Variants in IRAK1BP1 observed in about 807,000 individuals in gnomAD.
The protein encoded by IRAK1BP1 is interleukin 1 receptor associated kinase 1 binding protein 1.
Under a neutral mutation model 28.0 loss-of-function variants are expected in IRAK1BP1, and 24 were observed. The observed-to-expected ratio is 0.86, with a 90% CI of 0.62 to 1.20. IRAK1BP1 has a LOEUF of 1.20. Ranked by LOEUF, IRAK1BP1 falls within the 50% of genes most tolerant of loss-of-function variation. The pLI, the probability that IRAK1BP1 is intolerant of heterozygous loss-of-function variation, is 0.00. For missense variants in IRAK1BP1, 336 were observed against 316.7 expected, an observed-to-expected ratio of 1.06 and a Z score of -0.46; for synonymous variants, 131 against 116.3, an observed-to-expected ratio of 1.13 and a Z score of -0.81.
chr6:78,889,900 C>T (rs1377410464), intron 2 of IRAK1BP1, among the ~76,000 whole-genome samples: 1 of 152,108 alleles, frequency 6.6e-6, no homozygotes, highest in Non-Finnish European at 1.5e-5. Context: ...TACCATTTGA[C>T]CCAGCAATCT....
At chr6:78,944,377 T>G (rs1165176834) in intron 4 of IRAK1BP1, among the ~76,000 whole-genome samples, 3 of 152,176 alleles carry the variant, frequency 2.0e-5, no homozygotes, top group African/African-American at 7.2e-5. Flanking sequence ...TCGCTTTGGC[T>G]GCAATATGAG....
intron 4 of IRAK1BP1, chr6:78,937,690 GT>G (rs5877635): frequency 0.33 from 49,725 of 151,446 alleles, 9,728 homozygotes; most frequent in East Asian, 0.69. Context: ...CCAATCTTTA[GT>G]TTATAATACA....
chr6:78,920,125 A>C (rs1400979741), intron 4 of IRAK1BP1, among the ~76,000 whole-genome samples: 1 of 152,098 alleles, frequency 6.6e-6, no homozygotes, highest in Non-Finnish European at 1.5e-5. Context: ...GTGATTGTGC[A>C]TGCCTGTAAT....
intron 4 of IRAK1BP1, among the ~76,000 whole-genome samples, chr6:78,925,898 A>T (rs1021586018): frequency 1.3e-5 from 2 of 152,150 alleles, no homozygotes; most frequent in African/African-American, 4.8e-5. Context: ...AGCAACGTGG[A>T]TGTACCTCAA....
chr6:78,885,296 TTAGTG>T (rs1290361029), intron 1 of IRAK1BP1, 77 bp from the exon 2 acceptor site: 68 of 711,884 alleles, frequency 9.6e-5, no homozygotes, highest in Middle Eastern at 3.0e-4. Flanking sequence ...CTGATTTTAA[TTAGTG>T]TAGGTTTCTA....
the IRAK1BP1 span, among the ~76,000 whole-genome samples, chr6:78,952,713 AT>A: frequency 6.6e-6 from 1 of 152,090 alleles, no homozygotes; most frequent in Non-Finnish European, 1.5e-5. Flanking sequence ...GTAATTATAC[AT>A]TTCATTTCCA....
At chr6:78,871,577 C>G (rs1167038747) in intron 1 of IRAK1BP1, 1 of 973,252 alleles carries the variant, frequency 1.0e-6, no homozygotes, top group East Asian at 1.1e-4. Context: ...TTGTTTCCCC[C>G]CAAAATTTAT....
rs1772121706 is a variant in IRAK1BP1 at position 78,902,044 on chromosome 6, CTTTA to C, written c.*3717_*3720del. On this transcript the variant is annotated 3_prime_UTR_variant, in exon 4 of 4. Transcript: ENST00000369940. ...CTGCATTACAAAATGAAAGCAAATG[CTTTA>C]TTTATTCCAACAAAAAAAGACCTAT... 6.6e-6 allele frequency: 1 copy of C among 152,094 alleles called. No individual in the cohort carries two copies. The highest frequency in any genetic ancestry group is 1.5e-5 in the Non-Finnish European group (1 of 68,006). 9.4% of individuals were successfully genotyped at this position (152,094 alleles called of 1,614,324 possible).
downstream of IRAK1BP1, among the ~76,000 whole-genome samples, chr6:78,904,020 G>C (rs887330583): frequency 6.6e-6 from 1 of 152,166 alleles, no homozygotes; most frequent in African/African-American, 2.4e-5. Context: ...AAAGGCTAAG[G>C]AGGAAAAAAG....
At chr6:78,906,941 T>G (rs992486417), downstream of IRAK1BP1, among the ~76,000 whole-genome samples, 7 of 152,198 alleles carry the variant, frequency 4.6e-5, no homozygotes, top group African/African-American at 1.7e-4. Flanking sequence ...TGGTGGCTAT[T>G]TTTTCAAGGA....
At chr6:78,869,846 C>T (rs1011954610) in intron 1 of IRAK1BP1, among the ~76,000 whole-genome samples, 3 of 151,456 alleles carry the variant, frequency 2.0e-5, no homozygotes, top group African/African-American at 7.3e-5. Context: ...TGGTGGCTCA[C>T]GCCTGTAATC....
intron 2 of IRAK1BP1, among the ~76,000 whole-genome samples, chr6:78,888,372 C>T (rs1226988701): frequency 6.6e-6 from 1 of 152,048 alleles, no homozygotes; most frequent in African/African-American, 2.4e-5. Flanking sequence ...ACAAAGGACA[C>T]AAGGAAAATT....
chr6:78,952,726 G>T, the IRAK1BP1 span, among the ~76,000 whole-genome samples: 37 of 152,020 alleles, frequency 2.4e-4, no homozygotes, highest in South Asian at 7.3e-3. Context: ...TCATTTCCAG[G>T]ATTCTATTTA....
the IRAK1BP1 span, chr6:78,961,669 G>A: frequency 1.9e-6 from 3 of 1,607,636 alleles, no homozygotes; most frequent in Non-Finnish European, 2.6e-6. Flanking sequence ...TTTGATAGTA[G>A]CTACATCAAA....
chr6:78,935,565 T>A (rs1445452315), intron 4 of IRAK1BP1: 2 of 969,330 alleles, frequency 2.1e-6, no homozygotes, highest in Non-Finnish European at 2.5e-6. Context: ...TCACAGTAAC[T>A]TACGGTAAGA....
At chr6:78,887,193 G>C (rs915049539) in intron 2 of IRAK1BP1, among the ~76,000 whole-genome samples, 1 of 152,084 alleles carries the variant, frequency 6.6e-6, no homozygotes, top group East Asian at 1.9e-4. Flanking sequence ...TAGAAGAAAA[G>C]CAAATAACCT....
intron 4 of IRAK1BP1, among the ~76,000 whole-genome samples, chr6:78,925,289 G>T (rs1014241243): frequency 6.6e-6 from 1 of 151,998 alleles, no homozygotes; most frequent in Non-Finnish European, 1.5e-5. Context: ...CCTGCACATT[G>T]TGGACATGTA....
the IRAK1BP1 span, chr6:78,978,733 T>A: frequency 2.5e-6 from 4 of 1,573,770 alleles, no homozygotes; most frequent in South Asian, 2.3e-5. Context: ...TAAGTAATAA[T>A]TGTTAAGTAA....
chr6:78,948,468 AT>A (rs576242464), downstream of IRAK1BP1, among the ~76,000 whole-genome samples: 3 of 151,010 alleles, frequency 2.0e-5, no homozygotes, highest in Admixed American at 6.6e-5. Context: ...AGAATATGCT[AT>A]TTTTTTTTAG....
Sources: gnomAD v4.1 joint callset for allele counts (sites outside exome capture counted in the v4.1 genomes callset) on GRCh38, gnomAD v4.1.1 for gene constraint, MANE v1.5 for transcripts, NCBI Gene and HGNC (gene_info 2026-07-23, HGNC 2026-07-21) for gene names.